The following COBL variants were observed in gnomAD, a reference collection of about 807,000 sequenced individuals.
COBL encodes protein cordon-bleu.
A neutral mutation model predicts 98.8 loss-of-function variants in COBL; 51 were observed. The observed-to-expected ratio is 0.52, with a 90% CI of 0.41 to 0.65. COBL has a LOEUF of 0.65. Ranked by LOEUF, COBL falls within the 30% of genes least tolerant of loss-of-function variation. COBL has a pLI of 0.00. For synonymous variants in COBL, 634 were observed against 651.7 expected (o/e 0.97, Z 0.41); for missense variants, 1,617 against 1,617.5 (o/e 1.00, Z 0.01).
At chr7:51,090,324 A>G (rs1316194217) in intron 6 of COBL, among the ~76,000 whole-genome samples, 2 of 152,230 alleles carry the variant, frequency 1.3e-5, no homozygotes, top group Non-Finnish European at 2.9e-5. Context: ...ACCATAGGCA[A>G]GCTTAATGCC....
In COBL at chr7:51,283,674, G is replaced by T. The variant is rs144857022; in HGVS notation, c.41+32919C>A. On this transcript the variant is annotated intron_variant, in intron 1 of 12. Transcript: ENST00000265136. The stretch of plus-strand genomic sequence containing the variant: ...TAATTTTTGTATTTTTAGTAGAGAC[G>T]GGGTTTCACCATGTTGGTCAGGCTT... Among the ~76,000 whole-genome samples, 856 of 151,528 alleles carry T rather than the reference G, an allele frequency of 5.6e-3. 3 individuals carry two copies. Among genetic ancestry groups the T allele is most frequent in the African/African-American group, 0.02 (826 of 40,966 alleles).
chr7:51,197,087 T>A (rs764406790), intron 2 of COBL, among the ~76,000 whole-genome samples: 5 of 152,230 alleles, frequency 3.3e-5, no homozygotes, highest in African/African-American at 1.2e-4. Flanking sequence ...GGTTTTCTCT[T>A]AGTTATCTAG....
chr7:51,277,783 G>T lies in COBL; in HGVS notation c.41+38810C>A, dbSNP rs547249929. On this transcript the variant is annotated intron_variant, in intron 1 of 12. Coordinates refer to ENST00000265136, the MANE Select transcript of COBL (RefSeq NM_015198.5). Reference sequence around the variant, plus strand: ...TCCAGCACGGCAGGGCATTGTGAGAGCAGGGGGCACAGAGCCAGGTAAGAA... The same window carrying T: ...TCCAGCACGGCAGGGCATTGTGAGATCAGGGGGCACAGAGCCAGGTAAGAA... Among the ~76,000 whole-genome samples the T allele has an allele frequency of 8.5e-4, 130 of 152,274 alleles. 1 individual carries two copies. Among genetic ancestry groups the T allele is most frequent in the Non-Finnish European group, 3.7e-4 (25 of 68,014 alleles).
intron 1 of COBL, among the ~76,000 whole-genome samples, chr7:51,298,842 TTGTC>T (rs1176366413): frequency 2.0e-5 from 3 of 152,176 alleles, no homozygotes; most frequent in African/African-American, 4.8e-5. Context: ...TACAGTGCCT[TTGTC>T]TGAGCACAGA....
Position 51,031,167 on chromosome 7 carries a change from G to T in COBL, c.1407-258C>A, listed in dbSNP as rs1788107124. 4 of 435,434 alleles carry T rather than the reference G, an allele frequency of 9.2e-6. No homozygotes were observed. In the South Asian group the frequency reaches 1.7e-4, roughly 18 times the overall value. 27.0% of individuals were successfully genotyped at this position (435,434 alleles called of 1,614,324 possible). A position where few individuals can be genotyped will look rare whatever the true frequency, so the allele number is the denominator to read the frequency against. ...TGGAGTATATGTCTTGTATGTGGTG[G>T]ACATGTGATATATGGTGTGTGTGTG... On this transcript the variant is annotated intron_variant, in intron 8 of 12. Transcript: ENST00000265136.
intron 7 of COBL, chr7:51,065,286 G>C: frequency 4.3e-6 from 3 of 703,392 alleles, no homozygotes; most frequent in Non-Finnish European, 7.8e-6. Context: ...GCAGTGACTG[G>C]GGAAATGGGG....
At chr7:51,148,010 C>T (rs981248374) in intron 5 of COBL, among the ~76,000 whole-genome samples, 3 of 152,144 alleles carry the variant, frequency 2.0e-5, no homozygotes, top group South Asian at 2.1e-4. Context: ...GATCCGCCCA[C>T]CTTGGCCTCC....
intron 5 of COBL, among the ~76,000 whole-genome samples, chr7:51,174,885 CT>C (rs1562996309): frequency 1.3e-5 from 2 of 152,210 alleles, no homozygotes; most frequent in African/African-American, 2.4e-5. Flanking sequence ...GCCTCAGTTT[CT>C]TTTTTTAGGC....
chr7:51,264,335 C>T (rs1236407061), intron 1 of COBL, among the ~76,000 whole-genome samples: 1 of 152,120 alleles, frequency 6.6e-6, no homozygotes, highest in Non-Finnish European at 1.5e-5. Flanking sequence ...CTCTACGTAA[C>T]AGTTGGATGT....
At chr7:51,309,366 AC>A (rs1449177510) in intron 1 of COBL, among the ~76,000 whole-genome samples, 1 of 152,116 alleles carries the variant, frequency 6.6e-6, no homozygotes, top group Non-Finnish European at 1.5e-5. Context: ...GGAACGCTGC[AC>A]CCCAACACCA....
At chr7:51,048,234 T>C (rs1477345044) in intron 7 of COBL, among the ~76,000 whole-genome samples, 1 of 152,208 alleles carries the variant, frequency 6.6e-6, no homozygotes, top group Admixed American at 6.5e-5. Context: ...TGAACAATCA[T>C]GCATCTCCTT....
At chr7:51,275,112 G>C (rs1052595379) in intron 1 of COBL, among the ~76,000 whole-genome samples, 1 of 152,196 alleles carries the variant, frequency 6.6e-6, no homozygotes, top group Non-Finnish European at 1.5e-5. Context: ...CTCAGGACAG[G>C]TGAGGGACGC....
At chr7:51,306,623 T>C (rs1296844773) in intron 1 of COBL, among the ~76,000 whole-genome samples, 1 of 152,180 alleles carries the variant, frequency 6.6e-6, no homozygotes, top group Non-Finnish European at 1.5e-5. Context: ...TTCGACTCCT[T>C]ACACTAATTC....
intron 5 of COBL, among the ~76,000 whole-genome samples, chr7:51,176,761 C>T (rs907636982): frequency 7.9e-5 from 12 of 152,180 alleles, no homozygotes; most frequent in African/African-American, 2.4e-4. Flanking sequence ...TCACCTGACT[C>T]GTGGCTAAAA....
intron 2 of COBL, among the ~76,000 whole-genome samples, chr7:51,202,933 T>C (rs1791271194): frequency 6.6e-6 from 1 of 151,910 alleles, no homozygotes; most frequent in African/African-American, 2.4e-5. Context: ...CCCAGCTACT[T>C]GGAAGGCTGA....
intron 1 of COBL, among the ~76,000 whole-genome samples, chr7:51,283,682 A>C (rs1800014742): frequency 6.6e-6 from 1 of 151,978 alleles, no homozygotes; most frequent in Non-Finnish European, 1.5e-5. Context: ...ACGGGGTTTC[A>C]CCATGTTGGT....
Position 51,103,089 on chromosome 7 carries a change from A to T in COBL, c.958-17785T>A, listed in dbSNP as rs1583801989. On this transcript the variant is annotated intron_variant, in intron 6 of 12. Coordinates refer to ENST00000265136, the MANE Select transcript of COBL (RefSeq NM_015198.5). Reference sequence around the variant, plus strand: ...ACCACAAAAAAATAACATTCTTAAAAACTGTGATTCATGCTGTAAACAGGC... The same window carrying T: ...ACCACAAAAAAATAACATTCTTAAATACTGTGATTCATGCTGTAAACAGGC... 2.6e-5 allele frequency among the ~76,000 whole-genome samples: 4 copies of T among 152,330 alleles called. No homozygotes were observed. In the South Asian group the frequency reaches 8.3e-4, roughly 32 times the overall value.
intron 6 of COBL, among the ~76,000 whole-genome samples, chr7:51,107,841 T>TA (rs1410422718): frequency 6.6e-6 from 1 of 152,146 alleles, no homozygotes; most frequent in Non-Finnish European, 1.5e-5. Flanking sequence ...GGAAGGAAGA[T>TA]ATGTAAATCA....
intron 6 of COBL, among the ~76,000 whole-genome samples, chr7:51,089,968 A>T (rs757874808): frequency 4.6e-5 from 7 of 152,218 alleles, no homozygotes; most frequent in Non-Finnish European, 1.0e-4. Flanking sequence ...CCTTTAGCTA[A>T]ATATTAAAAT....
Sources: gnomAD v4.1 joint callset for allele counts (sites outside exome capture counted in the v4.1 genomes callset) on GRCh38, gnomAD v4.1.1 for gene constraint, MANE v1.5 for transcripts, NCBI Gene and HGNC (gene_info 2026-07-23, HGNC 2026-07-21) for gene names.